LRP12: variants seen among roughly 807,000 people sequenced by gnomAD.
LRP12 encodes LDL receptor related protein 12, also known as low-density lipoprotein receptor-related protein 12.
LRP12 carries 14 observed loss-of-function variants against 66.0 expected under a neutral mutation model. The ratio of observed to expected loss-of-function variants is 0.21; its 90% CI spans 0.14 to 0.33. The LOEUF is 0.33. LRP12 is among the 10% of genes least tolerant of loss of function. LRP12 has a pLI of 1.00. For synonymous variants in LRP12, 357 were observed against 359.1 expected, an observed-to-expected ratio of 0.99 and a Z score of 0.07; for missense variants, 889 against 1,053.4, an observed-to-expected ratio of 0.84 and a Z score of 2.16.
At chr8:104,528,807 A>G (rs745867072) in intron 2 of LRP12, among the ~76,000 whole-genome samples, 36 of 151,914 alleles carry the variant, frequency 2.4e-4, no homozygotes, top group Admixed American at 4.6e-4. Flanking sequence ...AAAAACAGCA[A>G]TGACTCTGTG....
chr8:104,583,878 T>C (rs763169021), intron 1 of LRP12, among the ~76,000 whole-genome samples: 4 of 152,198 alleles, frequency 2.6e-5, no homozygotes, highest in South Asian at 2.1e-4. Context: ...AAGTATTAAG[T>C]ACTTGTAAGT....
At chr8:104,514,209 A>C (rs13263017) in intron 2 of LRP12, among the ~76,000 whole-genome samples, 22,241 of 151,646 alleles carry the variant, frequency 0.15, 2,427 homozygotes, top group African/African-American at 0.31. Flanking sequence ...TTCCAAAGGA[A>C]ATCCTCTGGG....
intron 2 of LRP12, among the ~76,000 whole-genome samples, chr8:104,513,081 T>C (rs1309064594): frequency 2.0e-5 from 3 of 152,184 alleles, no homozygotes; most frequent in Non-Finnish European, 4.4e-5. Flanking sequence ...TATTTCTGCA[T>C]GTACAACACA....
rs552264157 is a variant in LRP12, at chr8:104,532,331, C to A, written c.80-368G>T. Among the ~76,000 whole-genome samples, 5 of 148,520 alleles carry A rather than the reference C, an allele frequency of 3.4e-5. No individual in the cohort carries two copies. The East Asian group carries it at 9.9e-4, about 29-fold the overall frequency. On this transcript the variant is annotated intron_variant, in intron 1 of 6. Transcript: ENST00000276654. ...CCTAAAAGCGTGTCCAAATCAGCCACAAGTCGGTGTAATATCTGTCAGGGC... is the reference window on the plus strand; with the variant it reads ...CCTAAAAGCGTGTCCAAATCAGCCAAAAGTCGGTGTAATATCTGTCAGGGC...
chr8:104,560,490 C>A (rs1223892082), intron 1 of LRP12, among the ~76,000 whole-genome samples: 1 of 152,136 alleles, frequency 6.6e-6, no homozygotes, highest in Non-Finnish European at 1.5e-5. Context: ...GGAGGCAACA[C>A]TAAAACCTAC....
chr8:104,512,249 G>A (rs866966615), intron 2 of LRP12, among the ~76,000 whole-genome samples: 5 of 152,116 alleles, frequency 3.3e-5, no homozygotes, highest in Middle Eastern at 6.3e-3. Context: ...CCTGAGAGGC[G>A]GAGGCTGCAG....
chr8:104,576,294 T>C (rs1399263824), intron 1 of LRP12, among the ~76,000 whole-genome samples: 1 of 151,982 alleles, frequency 6.6e-6, no homozygotes, highest in Admixed American at 6.6e-5. Flanking sequence ...TTTCAAAAGA[T>C]CATCCCCAAG....
intron 2 of LRP12, among the ~76,000 whole-genome samples, chr8:104,525,078 A>T (rs1333853416): frequency 6.6e-6 from 1 of 152,128 alleles, no homozygotes; most frequent in Non-Finnish European, 1.5e-5. Context: ...AAAAGCGATT[A>T]AAAGAGCCTT....
chr8:104,495,173 T>C lies in LRP12; in HGVS notation c.1617A>G (p.Glu539=), dbSNP rs1810704918. Residue 539 remains glutamate (E), a synonymous_variant, in exon 6 of 7, where the codon GAA becomes GAG. Transcript: ENST00000276654. Reference sequence around the variant, plus strand: ...AGGGAGGAGCTTCTCTTCTTAACAATTCTGCTTCCACTCTTGACAACTGTG... The same window carrying C: ...AGGGAGGAGCTTCTCTTCTTAACAACTCTGCTTCCACTCTTGACAACTGTG... The part of the protein sequence containing the change: ...FETQLSRVEA[E]LLRREAPPSY... 6.2e-7 allele frequency: 1 copy of C among 1,613,816 alleles called. No homozygotes were observed. Among genetic ancestry groups the C allele is most frequent in the African/African-American group, 1.3e-5 (1 of 75,068 alleles).
chr8:104,536,401 T>C (rs1196711134), intron 1 of LRP12, among the ~76,000 whole-genome samples: 1 of 152,020 alleles, frequency 6.6e-6, no homozygotes, highest in African/African-American at 2.4e-5. Flanking sequence ...GTTTTATCTG[T>C]GTAATGCCTA....
Position 104,509,037 on chromosome 8 carries a change from A to C in LRP12, c.174T>G (p.Ser58Arg). 2 of 1,613,932 alleles carry C rather than the reference A, an allele frequency of 1.2e-6. No homozygotes were observed. The highest frequency in any genetic ancestry group is 1.7e-6 in the Non-Finnish European group (2 of 1,179,858). The change falls in exon 3 of 7, where the codon AGT becomes AGG. Residue 58 changes from serine (S) to arginine (R), a missense_variant. Coordinates refer to ENST00000276654, the MANE Select transcript of LRP12 (RefSeq NM_013437.5). ...GCCAGCCTGGGCTTGTGATTATGCC[A>C]CTTGGTGCTCGTATTTGCTCTGGAG... Reference protein sequence around the residue: ...GETPEQIRAPSGIITSPGWPS... With the variant: ...GETPEQIRAPRGIITSPGWPS...
chr8:104,492,265 ATT>A (rs1810646982), intron 6 of LRP12, among the ~76,000 whole-genome samples: 1 of 152,182 alleles, frequency 6.6e-6, no homozygotes, highest in Non-Finnish European at 1.5e-5. Flanking sequence ...TAAATATATC[ATT>A]CTTTGAAAAC....
chr8:104,557,980 C>T (rs372326322), intron 1 of LRP12, among the ~76,000 whole-genome samples: 31 of 152,158 alleles, frequency 2.0e-4, no homozygotes, highest in Admixed American at 7.2e-4. Context: ...GAGGCCAAAG[C>T]GGGAGGATCA....
chr8:104,514,475 G>A (rs1200651710), intron 2 of LRP12, among the ~76,000 whole-genome samples: 1 of 151,334 alleles, frequency 6.6e-6, no homozygotes, highest in African/African-American at 2.4e-5. Context: ...TTGGGAGGCC[G>A]AGGCGGGTGG....
At chr8:104,532,697 A>G (rs993687879) in intron 1 of LRP12, among the ~76,000 whole-genome samples, 2 of 152,140 alleles carry the variant, frequency 1.3e-5, no homozygotes, top group African/African-American at 4.8e-5. Context: ...ATTTTCTTTC[A>G]TGGTTGAGAG....
chr8:104,489,934 T>G lies in LRP12; in HGVS notation c.*739A>C, dbSNP rs1810590813. ...AGATTTAATGCATAGTAGAATATCTTCATCCACTTAATTCTGTTGCTAAAT... is the reference window on the plus strand; with the variant it reads ...AGATTTAATGCATAGTAGAATATCTGCATCCACTTAATTCTGTTGCTAAAT... On this transcript the variant is annotated 3_prime_UTR_variant, in exon 7 of 7. Coordinates refer to ENST00000276654, the MANE Select transcript of LRP12 (RefSeq NM_013437.5). The G allele has an allele frequency of 6.6e-6, 1 of 152,660 alleles. No individual in the cohort carries two copies. The allele number at this position is 152,660 out of a possible 1,614,324, so 9.5% of individuals were successfully genotyped here. A position where few individuals can be genotyped will look rare whatever the true frequency, so the allele number is the denominator to read the frequency against.
chr8:104,496,308 C>A (rs1016399700), intron 5 of LRP12, among the ~76,000 whole-genome samples: 1 of 152,206 alleles, frequency 6.6e-6, no homozygotes, highest in Non-Finnish European at 1.5e-5. Flanking sequence ...TAAACTGAAT[C>A]ATGTGCTTAC....
chr8:104,564,228 C>T (rs764068871), intron 1 of LRP12, among the ~76,000 whole-genome samples: 8 of 152,116 alleles, frequency 5.3e-5, no homozygotes, highest in Non-Finnish European at 1.2e-4. Flanking sequence ...AAGTTTCTAA[C>T]CTCCTACAGC....
intron 2 of LRP12, among the ~76,000 whole-genome samples, chr8:104,525,066 T>A (rs192790441): frequency 0.041 from 6,216 of 152,130 alleles, 186 homozygotes; most frequent in South Asian, 0.077. Context: ...GACACTTTTT[T>A]AAAAAGCGAT....
Sources: gnomAD v4.1 joint callset for allele counts (sites outside exome capture counted in the v4.1 genomes callset) on GRCh38, gnomAD v4.1.1 for gene constraint, MANE v1.5 for transcripts, NCBI Gene and HGNC (gene_info 2026-07-23, HGNC 2026-07-21) for gene names.